Variants in RAD54B observed in about 807,000 individuals in gnomAD.
RAD54B encodes RAD54 homolog B.
Under a neutral mutation model 95.8 loss-of-function variants are expected in RAD54B, and 78 were observed. The observed-to-expected ratio is 0.81, with a 90% CI of 0.68 to 0.98. The LOEUF (loss-of-function observed/expected upper bound fraction) is 0.98. Among genes scored for constraint, RAD54B ranks in the 50% least tolerant of loss-of-function variants. The pLI, the probability that RAD54B is intolerant of heterozygous loss-of-function variation, is 0.00. For synonymous variants in RAD54B, 328 were observed against 354.9 expected (o/e 0.92, Z 0.85); for missense variants, 957 against 1,056.6 (o/e 0.91, Z 1.31).
intron 3 of RAD54B, among the ~76,000 whole-genome samples, chr8:94,454,380 A>C (rs1449284635): frequency 1.3e-5 from 2 of 152,194 alleles, no homozygotes; most frequent in African/African-American, 4.8e-5. Context: ...AATATGCTAA[A>C]TGCCACTTAA....
intron 2 of RAD54B, among the ~76,000 whole-genome samples, chr8:94,460,942 G>C (rs1812885684): frequency 6.6e-6 from 1 of 151,882 alleles, no homozygotes. Context: ...GGCCCACTCA[G>C]ATCATCCAGG....
intron 3 of RAD54B, among the ~76,000 whole-genome samples, chr8:94,438,277 T>C (rs1040157080): frequency 5.3e-5 from 8 of 152,246 alleles, no homozygotes; most frequent in African/African-American, 1.7e-4. Context: ...TGTATTATCT[T>C]TCAGAAAACA....
chr8:94,472,351 AC>A (rs1247869663), intron 1 of RAD54B, among the ~76,000 whole-genome samples: 1 of 152,214 alleles, frequency 6.6e-6, no homozygotes, highest in South Asian at 2.1e-4. Context: ...AAATTGATTA[AC>A]GGTAACTGTC....
At chr8:94,460,692 C>A (rs1812880887) in intron 2 of RAD54B, among the ~76,000 whole-genome samples, 1 of 152,178 alleles carries the variant, frequency 6.6e-6, no homozygotes, top group South Asian at 2.1e-4. Flanking sequence ...GGTCTTACTG[C>A]ATTAAAATCA....
chr8:94,418,645 C>T (rs1811730158), intron 3 of RAD54B, among the ~76,000 whole-genome samples: 1 of 152,144 alleles, frequency 6.6e-6, no homozygotes, highest in Admixed American at 6.6e-5. Flanking sequence ...AAAACCCCTG[C>T]AGTTACTGAC....
intron 3 of RAD54B, among the ~76,000 whole-genome samples, chr8:94,420,480 G>A (rs1037392784): frequency 2.6e-5 from 4 of 151,332 alleles, no homozygotes; most frequent in East Asian, 1.9e-4. Context: ...GGCTGGTGTC[G>A]AACTCATGAG....
chr8:94,427,567 A>G (rs971005362), intron 3 of RAD54B: 1 of 292,222 alleles, frequency 3.4e-6, no homozygotes, highest in Admixed American at 6.5e-5. Context: ...AAAGAAATGA[A>G]ATGTGATATT....
chr8:94,392,813 C>T (rs12545262), intron 9 of RAD54B, among the ~76,000 whole-genome samples: 49,513 of 130,850 alleles, frequency 0.38, 9,770 homozygotes, highest in Admixed American at 0.47. Flanking sequence ...ACCCTATACC[C>T]TATAGCTAAG....
At chr8:94,411,071 T>C (rs1224907185) in intron 4 of RAD54B, 50 bp downstream of exon 4, 2 of 1,365,870 alleles carry the variant, frequency 1.5e-6, no homozygotes, top group East Asian at 2.3e-5. Context: ...TAACCGGAGA[T>C]ACATACTAAT....
At chr8:94,445,293 C>G (rs2130144810) in intron 3 of RAD54B, among the ~76,000 whole-genome samples, 1 of 152,258 alleles carries the variant, frequency 6.6e-6, no homozygotes, top group East Asian at 1.9e-4. Context: ...AAAGGCCCTA[C>G]CTCCTAATAT....
Position 94,459,407 on chromosome 8 carries a change from T to A in RAD54B, c.136-971A>T, listed in dbSNP as rs1812849877. Among the ~76,000 whole-genome samples the A allele has an allele frequency of 2.0e-5, 3 of 151,820 alleles. No individual in the cohort carries two copies. In the South Asian group the frequency reaches 6.3e-4, roughly 32 times the overall value. ...CTCAAGCAATCTTCCTGCCTAGGCC[T>A]CCCAAAGTGCTAAGATTACAGGGGT... On this transcript the variant is annotated intron_variant, in intron 2 of 14. Transcript: ENST00000336148.
At chr8:94,420,972 G>A (rs1286702366) in intron 3 of RAD54B, among the ~76,000 whole-genome samples, 1 of 148,358 alleles carries the variant, frequency 6.7e-6, no homozygotes, top group African/African-American at 2.5e-5. Flanking sequence ...GCAATCAAGC[G>A]AGACTCAGTC....
intron 5 of RAD54B, among the ~76,000 whole-genome samples, chr8:94,404,474 C>T (rs1811337756): frequency 6.6e-6 from 1 of 152,060 alleles, no homozygotes; most frequent in Admixed American, 6.5e-5. Flanking sequence ...CTTCATATAC[C>T]CAAAAGTGCT....
At chr8:94,444,424 A>AAG (rs1554608934) in intron 3 of RAD54B, among the ~76,000 whole-genome samples, 1 of 147,692 alleles carries the variant, frequency 6.8e-6, no homozygotes, top group African/African-American at 2.5e-5. Flanking sequence ...AAAAAAAAAA[A>AAG]ACTAAAACTA....
intron 8 of RAD54B, among the ~76,000 whole-genome samples, chr8:94,394,777 G>T (rs1002548446): frequency 2.0e-5 from 3 of 152,120 alleles, no homozygotes; most frequent in Non-Finnish European, 4.4e-5. Flanking sequence ...ATTAGAAAAT[G>T]TTGTCCAAAG....
chr8:94,470,361 G>A (rs1425557727), intron 1 of RAD54B, among the ~76,000 whole-genome samples: 1 of 152,172 alleles, frequency 6.6e-6, no homozygotes, highest in Non-Finnish European at 1.5e-5. Context: ...CACTTTGGGA[G>A]GCCAAGGTGA....
intron 3 of RAD54B, among the ~76,000 whole-genome samples, chr8:94,455,810 G>A (rs1406983032): frequency 1.3e-5 from 2 of 152,076 alleles, no homozygotes; most frequent in African/African-American, 4.8e-5. Flanking sequence ...CCATCACATG[G>A]TCTTTTTCCC....
At chr8:94,385,586 G>A (rs150836739) in intron 11 of RAD54B, among the ~76,000 whole-genome samples, 334 of 152,306 alleles carry the variant, frequency 2.2e-3, no homozygotes, top group African/African-American at 7.3e-3. Context: ...GAGAAAGCAT[G>A]AGAGCTGAGT....
Position 94,380,258 on chromosome 8 carries a change from A to G in RAD54B, c.2134T>C (p.Ser712Pro), listed in dbSNP as rs1212841721. The G allele has an allele frequency of 2.5e-6, 4 of 1,614,090 alleles. No individual in the cohort carries two copies. In the East Asian group the frequency reaches 8.9e-5, roughly 36 times the overall value. The change falls in exon 12 of 15, where the codon TCT (serine) becomes CCT (proline). Residue 712 changes from serine to proline, a missense_variant. Transcript: ENST00000336148. ...GAACTTAACAAAAAAATAAAAAAAGAAGAGTGTTGACTGTTAAAGCCATCA... is the reference window on the plus strand; with the variant it reads ...GAACTTAACAAAAAAATAAAAAAAGGAGAGTGTTGACTGTTAAAGCCATCA... ...IVDGFNSQHS[S>P]FFIFLLSSKA...
Sources: gnomAD v4.1 joint callset for allele counts (sites outside exome capture counted in the v4.1 genomes callset) on GRCh38, gnomAD v4.1.1 for gene constraint, MANE v1.5 for transcripts, NCBI Gene and HGNC (gene_info 2026-07-23, HGNC 2026-07-21) for gene names.